The following MEGF9 variants were observed in gnomAD, a reference collection of about 807,000 sequenced individuals.
The protein encoded by MEGF9 is multiple epidermal growth factor-like domains protein 9.
MEGF9 carries 6 observed loss-of-function variants against 46.8 expected under a neutral mutation model. The ratio of observed to expected loss-of-function variants is 0.13; its 90% confidence interval spans 0.07 to 0.25. MEGF9 has a LOEUF of 0.25. Among genes scored for constraint, MEGF9 ranks in the 10% least tolerant of loss-of-function variants. The pLI is 1.00. For synonymous variants in MEGF9, 302 were observed against 330.7 expected, an observed-to-expected ratio of 0.91 and a Z score of 0.94; for missense variants, 683 against 792.4, an observed-to-expected ratio of 0.86 and a Z score of 1.66.
At position 120,700,562 on chromosome 9, in the gene MEGF9, C is replaced by T. The variant is rs1290581702; in HGVS notation, c.601+13196G>A. 2.0e-5 allele frequency among the ~76,000 whole-genome samples: 3 copies of T among 152,052 alleles called. No homozygotes were observed. In the East Asian group the frequency reaches 5.8e-4, roughly 29 times the overall value. On this transcript the variant is annotated intron_variant, in intron 1 of 5. Coordinates refer to ENST00000373930, the MANE Select transcript of MEGF9 (RefSeq NM_001080497.3). ...CATGAAAAATCTACAGCAGAAAAAG[C>T]CCAATGCCTTCCTCTCATCAAGACT...
chr9:120,710,094 T>C (rs1055679842), intron 1 of MEGF9, among the ~76,000 whole-genome samples: 1 of 150,232 alleles, frequency 6.7e-6, no homozygotes, highest in African/African-American at 2.5e-5. Flanking sequence ...TGATTATTAT[T>C]ACCTCTGGTA....
At chr9:120,688,628 A>C in intron 1 of MEGF9, among the ~76,000 whole-genome samples, 1 of 152,218 alleles carries the variant, frequency 6.6e-6, no homozygotes, top group Non-Finnish European at 1.5e-5. Context: ...AGGTAGTTAA[A>C]TCCTAAGGAG....
At chr9:120,611,865 A>AGAGAGAGAGAGAGAGAGAG in intron 4 of MEGF9, among the ~76,000 whole-genome samples, 1 of 137,224 alleles carries the variant, frequency 7.3e-6, no homozygotes, top group African/African-American at 2.9e-5. Context: ...GGAAGGAAGA[A>AGAGAGAGAGAGAGAGAGAG]AGAGAGAGAG....
At chr9:120,635,087 T>G (rs983501503) in intron 2 of MEGF9, among the ~76,000 whole-genome samples, 1 of 152,208 alleles carries the variant, frequency 6.6e-6, no homozygotes, top group Non-Finnish European at 1.5e-5. Context: ...TTTCTGGGTA[T>G]AGTATTCTTG....
chr9:120,679,390 C>T (rs112550712), intron 1 of MEGF9, among the ~76,000 whole-genome samples: 38 of 150,246 alleles, frequency 2.5e-4, no homozygotes, highest in African/African-American at 6.2e-4. Context: ...AACCAAACAC[C>T]GCATGTTCTC....
intron 2 of MEGF9, among the ~76,000 whole-genome samples, chr9:120,636,093 A>G (rs749948295): frequency 2.7e-4 from 41 of 152,084 alleles, no homozygotes; most frequent in Non-Finnish European, 5.0e-4. Context: ...ATGTCACCAC[A>G]CCTGGCTAAT....
At chr9:120,653,531 C>T (rs796695061) in intron 2 of MEGF9, among the ~76,000 whole-genome samples, 41 of 152,186 alleles carry the variant, frequency 2.7e-4, no homozygotes, top group African/African-American at 9.6e-4. Flanking sequence ...GCCACCACAT[C>T]CAGCTAATTT....
chr9:120,700,145 C>T (rs1168778753), intron 1 of MEGF9, among the ~76,000 whole-genome samples: 1 of 152,140 alleles, frequency 6.6e-6, no homozygotes, highest in African/African-American at 2.4e-5. Flanking sequence ...CCTTTGGTGA[C>T]TGGAAGTTTC....
At chr9:120,711,871 A>ACACCC (rs145059704) in intron 1 of MEGF9, among the ~76,000 whole-genome samples, 5 of 150,108 alleles carry the variant, frequency 3.3e-5, no homozygotes, top group African/African-American at 1.2e-4. Context: ...ACACACACAC[A>ACACCC]CCCACAGGCC....
At position 120,605,116 on chromosome 9, in the gene MEGF9, G is replaced by T; in HGVS notation, c.*74C>A. The T allele has an allele frequency of 2.1e-6, 3 of 1,444,512 alleles. No homozygotes were observed. The highest frequency in any genetic ancestry group is 1.9e-6 in the Non-Finnish European group (2 of 1,070,734). The allele number at this position is 1,444,512 out of a possible 1,614,324, so 89.5% of individuals were successfully genotyped here. On this transcript the variant is annotated 3_prime_UTR_variant, in exon 6 of 6. Transcript: ENST00000373930. The surrounding 1 kb of genome is among the most constrained non-coding windows in gnomAD (Gnocchi z 4.0). ...TGCTTTCTCAGCAAACTCTAGCCAG[G>T]CTTTGTCTGGCCCAGGGGCTGACTC...
chr9:120,659,677 T>C (rs2043693390), intron 1 of MEGF9, 102 bp from the exon 2 acceptor site: 1 of 959,478 alleles, frequency 1.0e-6, no homozygotes, highest in Non-Finnish European at 1.5e-6. Flanking sequence ...TCATGACAAC[T>C]TTGTAAGGAT....
intron 2 of MEGF9, among the ~76,000 whole-genome samples, chr9:120,644,412 T>TA (rs1346798198): frequency 6.6e-6 from 1 of 152,238 alleles, no homozygotes; most frequent in Non-Finnish European, 1.5e-5. Context: ...GACATATTGC[T>TA]AGTGATGTTA....
At chr9:120,639,452 G>A (rs1315774378) in intron 2 of MEGF9, among the ~76,000 whole-genome samples, 2 of 146,556 alleles carry the variant, frequency 1.4e-5, no homozygotes, top group African/African-American at 2.5e-5. Flanking sequence ...AGGTTGCAAT[G>A]AGCCGAGATT....
chr9:120,637,770 A>G (rs1048261580), intron 2 of MEGF9, among the ~76,000 whole-genome samples: 1 of 139,020 alleles, frequency 7.2e-6, no homozygotes, highest in African/African-American at 2.6e-5. Flanking sequence ...CAGCCAGGGC[A>G]ACAGGGCAAG....
chr9:120,680,706 C>T (rs992947393), intron 1 of MEGF9, among the ~76,000 whole-genome samples: 1 of 152,116 alleles, frequency 6.6e-6, no homozygotes, highest in African/African-American at 2.4e-5. Flanking sequence ...TAGCAGTTTA[C>T]CTGATGTTCT....
intron 3 of MEGF9, among the ~76,000 whole-genome samples, chr9:120,616,299 TA>T (rs1447483090): frequency 2.6e-5 from 4 of 152,058 alleles, no homozygotes; most frequent in African/African-American, 9.7e-5. Context: ...CCATAACGTT[TA>T]AAACCTATAT....
rs59380409 is a variant in MEGF9 at position 120,622,417 on chromosome 9, C to CTTTT, written c.943+195_943+198dup. On this transcript the variant is annotated intron_variant, in intron 3 of 5. Coordinates refer to ENST00000373930, the MANE Select transcript of MEGF9 (RefSeq NM_001080497.3). Reference sequence around the variant, plus strand: ...TCTCCTTGCCTCCATAGGTATATGACTTTTTTTTTTTTTTTTTAATTTACG... The same window carrying CTTTT: ...TCTCCTTGCCTCCATAGGTATATGACTTTTTTTTTTTTTTTTTTTTTAATTTACG... Among the ~76,000 whole-genome samples, 90 of 101,188 alleles carry CTTTT rather than the reference C, an allele frequency of 8.9e-4. 1 individual carries two copies. Among genetic ancestry groups the CTTTT allele is most frequent in the African/African-American group, 3.2e-3 (87 of 27,614 alleles). 66.4% of individuals were successfully genotyped at this position (101,188 alleles called of 152,430 possible). A position where few individuals can be genotyped will look rare whatever the true frequency, so the allele number is the denominator to read the frequency against.
chr9:120,622,379 T>C (rs1250099026), intron 3 of MEGF9, among the ~76,000 whole-genome samples: 1 of 151,166 alleles, frequency 6.6e-6, no homozygotes, highest in Non-Finnish European at 1.5e-5. Flanking sequence ...TCTGGAATTT[T>C]AGTTCCTATA....
chr9:120,678,611 A>T (rs2120228), intron 1 of MEGF9, among the ~76,000 whole-genome samples: 104,083 of 151,796 alleles, frequency 0.69, 35,877 homozygotes, highest in South Asian at 0.75. Flanking sequence ...CAGCTGGGAT[A>T]ACAGGTGTGC....
Sources: allele counts gnomAD v4.1 joint callset (sites outside exome capture counted in the v4.1 genomes callset), GRCh38; gene constraint gnomAD v4.1.1; non-coding constraint Gnocchi (gnomAD v3.1); transcripts MANE v1.5; gene names NCBI Gene and HGNC (gene_info 2026-07-23, HGNC 2026-07-21).